The following PTPRD variants were observed in gnomAD, a reference collection of about 807,000 sequenced individuals.
PTPRD encodes the protein receptor-type tyrosine-protein phosphatase delta.
PTPRD carries 34 observed loss-of-function variants against 214.5 expected under a neutral mutation model. The observed-to-expected ratio is 0.16, with a 90% confidence interval of 0.12 to 0.21. The LOEUF is 0.21. Ranked by LOEUF, PTPRD falls within the 10% of genes least tolerant of loss-of-function variation. PTPRD has a pLI of 1.00. For synonymous variants in PTPRD, 1,128 were observed against 845.7 expected (o/e 1.33, Z -5.79); for missense variants, 2,545 against 2,398.7 (o/e 1.06, Z -1.27).
At chr9:8,941,199 T>A (rs1188726193) in intron 11 of PTPRD, among the ~76,000 whole-genome samples, 2 of 152,140 alleles carry the variant, frequency 1.3e-5, no homozygotes, top group African/African-American at 4.8e-5. Flanking sequence ...AATTTAAAAA[T>A]GGGTAAATGT....
chr9:9,475,378 T>C (rs2094950434), intron 8 of PTPRD, among the ~76,000 whole-genome samples: 1 of 152,176 alleles, frequency 6.6e-6, no homozygotes, highest in Non-Finnish European at 1.5e-5. Flanking sequence ...TATAACCCTA[T>C]GGCACTAACA....
intron 9 of PTPRD, among the ~76,000 whole-genome samples, chr9:9,314,448 G>C (rs1047491934): frequency 6.6e-6 from 1 of 152,088 alleles, no homozygotes; most frequent in Non-Finnish European, 1.5e-5. Context: ...TCCCATCAAA[G>C]AATGCAGGTG....
At chr9:9,449,837 G>A (rs900038216) in intron 8 of PTPRD, among the ~76,000 whole-genome samples, 1 of 151,842 alleles carries the variant, frequency 6.6e-6, no homozygotes, top group African/African-American at 2.4e-5. Flanking sequence ...CTTGCCATCT[G>A]AGCAGTGTAC....
chr9:10,216,991 T>G (rs1451493729), intron 3 of PTPRD, among the ~76,000 whole-genome samples: 1 of 152,020 alleles, frequency 6.6e-6, no homozygotes, highest in East Asian at 1.9e-4. Context: ...TATTTCCTTT[T>G]TATTGTTATT....
chr9:9,081,125 G>A (rs2099758389), intron 10 of PTPRD, among the ~76,000 whole-genome samples: 1 of 151,912 alleles, frequency 6.6e-6, no homozygotes, highest in South Asian at 2.1e-4. Flanking sequence ...TTCTCCTGTG[G>A]GCATTTAGTG....
chr9:9,900,823 G>C (rs538652469), intron 5 of PTPRD, among the ~76,000 whole-genome samples: 1 of 151,928 alleles, frequency 6.6e-6, no homozygotes, highest in Non-Finnish European at 1.5e-5. Context: ...TTTTAGTAAA[G>C]ATGAGGTTTC....
intron 14 of PTPRD, among the ~76,000 whole-genome samples, chr9:8,588,436 A>T (rs1285741217): frequency 6.6e-6 from 1 of 152,208 alleles, no homozygotes; most frequent in Non-Finnish European, 1.5e-5. Flanking sequence ...CAACACTATG[A>T]AATATAAAAG....
At chr9:9,698,943 G>A (rs1225485879) in intron 7 of PTPRD, among the ~76,000 whole-genome samples, 1 of 152,018 alleles carries the variant, frequency 6.6e-6, no homozygotes, top group Non-Finnish European at 1.5e-5. Flanking sequence ...GTGATATATT[G>A]CTAGAAGTTC....
At chr9:8,427,773 ATACAT>A (rs2094785298) in intron 35 of PTPRD, among the ~76,000 whole-genome samples, 4 of 152,066 alleles carry the variant, frequency 2.6e-5, no homozygotes, top group Non-Finnish European at 5.9e-5. Flanking sequence ...ATTCTAAGAC[ATACAT>A]TTCCTTTCCA....
intron 11 of PTPRD, among the ~76,000 whole-genome samples, chr9:8,736,856 G>A (rs1000460351): frequency 2.0e-5 from 3 of 152,136 alleles, no homozygotes; most frequent in African/African-American, 7.2e-5. Flanking sequence ...GCTATCAGAT[G>A]TTAAAAATCT....
intron 11 of PTPRD, among the ~76,000 whole-genome samples, chr9:8,998,620 G>A (rs1353486161): frequency 6.6e-6 from 1 of 151,982 alleles, no homozygotes; most frequent in Admixed American, 6.6e-5. Context: ...TCATTTTCTA[G>A]CCTATGGATC....
chr9:9,745,010 T>C (rs1264475709), intron 6 of PTPRD, among the ~76,000 whole-genome samples: 2 of 152,078 alleles, frequency 1.3e-5, no homozygotes, highest in South Asian at 2.1e-4. Context: ...TTCAAATCCA[T>C]GTAGAGCAAA....
intron 4 of PTPRD, among the ~76,000 whole-genome samples, chr9:10,015,262 T>C (rs2096680517): frequency 6.6e-6 from 1 of 152,118 alleles, no homozygotes; most frequent in Admixed American, 6.5e-5. Flanking sequence ...ATTGAATTTT[T>C]CAGCAACAAA....
intron 36 of PTPRD, among the ~76,000 whole-genome samples, chr9:8,393,083 T>C (rs1259678546): frequency 1.3e-5 from 2 of 152,180 alleles, no homozygotes; most frequent in African/African-American, 2.4e-5. Context: ...TCAGTAGTTC[T>C]TGATTAGGAT....
intron 9 of PTPRD, among the ~76,000 whole-genome samples, chr9:9,323,467 T>C (rs1967766859): frequency 6.6e-6 from 1 of 152,196 alleles, no homozygotes; most frequent in African/African-American, 2.4e-5. Context: ...TATAATCTGA[T>C]GTCGACCAGG....
At chr9:10,231,228 T>A (rs957048739) in intron 3 of PTPRD, among the ~76,000 whole-genome samples, 6 of 150,992 alleles carry the variant, frequency 4.0e-5, no homozygotes, top group African/African-American at 9.7e-5. Context: ...ATGATGAAGA[T>A]GGAAGAATAT....
chr9:8,608,486 T>A (rs993270294), intron 14 of PTPRD, among the ~76,000 whole-genome samples: 13 of 152,116 alleles, frequency 8.5e-5, no homozygotes, highest in African/African-American at 3.1e-4. Context: ...AGCGCTCAAA[T>A]CTAAAGCAAC....
chr9:10,163,340 TA>T (rs2154290991), intron 3 of PTPRD, among the ~76,000 whole-genome samples: 1 of 151,530 alleles, frequency 6.6e-6, no homozygotes, highest in South Asian at 2.1e-4. Context: ...AACTTAGAAA[TA>T]CTTTTGCCAT....
chr9:8,832,410 C>CTTT (rs5896262), intron 11 of PTPRD, among the ~76,000 whole-genome samples: 45,193 of 127,470 alleles, frequency 0.35, 9,111 homozygotes, highest in Middle Eastern at 0.44. Flanking sequence ...CTAAAATCAT[C>CTTT]TTTTTTTTTT....
Sources: gnomAD v4.1 joint callset for allele counts (sites outside exome capture counted in the v4.1 genomes callset) on GRCh38, gnomAD v4.1.1 for gene constraint, MANE v1.5 for transcripts, NCBI Gene and HGNC (gene_info 2026-07-23, HGNC 2026-07-21) for gene names.